Variants in FAM8A1 observed in about 807,000 individuals in gnomAD.
The protein encoded by FAM8A1 is protein FAM8A1.
Under a neutral mutation model 38.3 loss-of-function variants are expected in FAM8A1, and 18 were observed. That is an observed-to-expected ratio of 0.47 (90% CI 0.33 to 0.70). The LOEUF is 0.70. Among genes scored for constraint, FAM8A1 ranks in the 30% least tolerant of loss-of-function variants. The pLI is 0.03. For synonymous variants in FAM8A1, 246 were observed against 234.4 expected (o/e 1.05, Z -0.45); for missense variants, 559 against 559.6 (o/e 1.00, Z 0.01).
chr6:17,608,151 G>T, intron 4 of FAM8A1, 44 bp from the exon 5 acceptor site: 3 of 1,603,854 alleles, frequency 1.9e-6, no homozygotes, highest in Non-Finnish European at 2.6e-6. Flanking sequence ...TCTATATGTG[G>T]TTTGATGTGT....
chr6:17,602,278 C>T (rs562988854), intron 1 of FAM8A1, among the ~76,000 whole-genome samples: 16 of 152,380 alleles, frequency 1.1e-4, no homozygotes, highest in East Asian at 1.9e-4. Context: ...CTCAAGCAAT[C>T]TGCCCGCCTC....
rs1384767717 is a variant in FAM8A1 at position 17,600,405 on chromosome 6, C to T, written c.-5C>T. ...GGTATCCCAGAGGGTGCTGCTGAGG[C>T]GACGATGGCCGAGGGGCCCGAGGAA... On this transcript the variant is annotated 5_prime_UTR_variant, in exon 1 of 5. Coordinates refer to ENST00000259963, the MANE Select transcript of FAM8A1 (RefSeq NM_016255.3). 1 of 1,410,818 alleles carries T rather than the reference C, an allele frequency of 7.1e-7. No individual in the cohort carries two copies. 87.4% of individuals were successfully genotyped at this position (1,410,818 alleles called of 1,614,324 possible).
At position 17,600,591 on chromosome 6, in the gene FAM8A1, C is replaced by T. The variant is rs1298298105; in HGVS notation, c.182C>T (p.Ala61Val). 9 of 1,489,210 alleles carry T rather than the reference C, an allele frequency of 6.0e-6. No individual in the cohort carries two copies. In the East Asian group the frequency reaches 1.4e-4, roughly 24 times the overall value. 92.2% of individuals were successfully genotyped at this position (1,489,210 alleles called of 1,614,324 possible). A position where few individuals can be genotyped will look rare whatever the true frequency, so the allele number is the denominator to read the frequency against. ...CCCACAGCCCCGGGCCTCGCGGCTG[C>T]CGCCGCAGCCGACAAATTGGAGCCG... ...GRPTAPGLAA[A>V]AAADKLEPPR... The change falls in exon 1 of 5, where the codon GCC becomes GTC. Residue 61 changes from alanine (A) to valine (V), a missense_variant. Transcript: ENST00000259963.
rs1028041372 is a variant in FAM8A1 at position 17,600,944 on chromosome 6, AGCCCCGGG to A, written c.539_546del (p.Pro180ArgfsTer4). 3.1e-6 allele frequency: 5 copies of A among 1,592,326 alleles called. No individual in the cohort carries two copies. The highest frequency in any genetic ancestry group is 4.3e-6 in the Non-Finnish European group (5 of 1,171,884). ...CTATTACAACCCCTTCTACTTCCTG[AGCCCCGGG>A]GCCGCGGGGCCTGACCCGCGGACAG... On this transcript the variant is annotated frameshift_variant, in exon 1 of 5. Transcript: ENST00000259963. LOFTEE classifies it high-confidence loss of function.
rs1280791650 is a variant in FAM8A1 at position 17,611,065 on chromosome 6, C to G, written c.*2726C>G. The G allele has an allele frequency of 6.6e-6, 1 of 152,114 alleles. No homozygotes were observed. The highest frequency in any genetic ancestry group is 1.5e-5 in the Non-Finnish European group (1 of 68,012). 9.4% of individuals were successfully genotyped at this position (152,114 alleles called of 1,614,324 possible). A position where few individuals can be genotyped will look rare whatever the true frequency, so the allele number is the denominator to read the frequency against. On this transcript the variant is annotated 3_prime_UTR_variant, in exon 5 of 5. Coordinates refer to ENST00000259963, the MANE Select transcript of FAM8A1 (RefSeq NM_016255.3). Reference sequence around the variant, plus strand: ...CTTGTCAGTATCATAAAGAGTATTGCCCAACTGAACTTTGCTCCCACTGGT... The same window carrying G: ...CTTGTCAGTATCATAAAGAGTATTGGCCAACTGAACTTTGCTCCCACTGGT...
Position 17,609,401 on chromosome 6 carries a change from A to G in FAM8A1, c.*1062A>G, listed in dbSNP as rs920087861. 6.8e-6 allele frequency: 1 copy of G among 147,474 alleles called. No homozygotes were observed. Among genetic ancestry groups the G allele is most frequent in the Non-Finnish European group, 1.5e-5 (1 of 66,142 alleles). The allele number at this position is 147,474 out of a possible 1,614,324, so 9.1% of individuals were successfully genotyped here. Reference sequence around the variant, plus strand: ...GATTAACTCTAAGTACTATTAATTAATAGCTTGCGAAATATTAGCAATTTT... The same window carrying G: ...GATTAACTCTAAGTACTATTAATTAGTAGCTTGCGAAATATTAGCAATTTT... On this transcript the variant is annotated 3_prime_UTR_variant, in exon 5 of 5. Transcript: ENST00000259963.
intron 4 of FAM8A1, among the ~76,000 whole-genome samples, chr6:17,607,270 A>AC (rs1764066821): frequency 6.7e-6 from 1 of 148,866 alleles, no homozygotes; most frequent in African/African-American, 2.5e-5. Flanking sequence ...AAAAAAAAAA[A>AC]AAACAAAACA....
Position 17,610,647 on chromosome 6 carries a change from T to C in FAM8A1, c.*2308T>C, listed in dbSNP as rs1764128325. On this transcript the variant is annotated 3_prime_UTR_variant, in exon 5 of 5. Transcript: ENST00000259963. ...TCCTGCTTTCCAGAACACTTTATTATATTTCACTTATAGACCTGATTTTCT... is the reference window on the plus strand; with the variant it reads ...TCCTGCTTTCCAGAACACTTTATTACATTTCACTTATAGACCTGATTTTCT... The C allele has an allele frequency of 6.6e-6, 1 of 152,178 alleles. No individual in the cohort carries two copies. Among genetic ancestry groups the C allele is most frequent in the African/African-American group, 2.4e-5 (1 of 41,458 alleles). 9.4% of individuals were successfully genotyped at this position (152,178 alleles called of 1,614,324 possible).
At position 17,609,405 on chromosome 6, in the gene FAM8A1, C is replaced by T. The variant is rs1764105627; in HGVS notation, c.*1066C>T. The T allele has an allele frequency of 6.6e-6, 1 of 152,064 alleles. No individual in the cohort carries two copies. Among genetic ancestry groups the T allele is most frequent in the Non-Finnish European group, 1.5e-5 (1 of 68,014 alleles). 9.4% of individuals were successfully genotyped at this position (152,064 alleles called of 1,614,324 possible). On this transcript the variant is annotated 3_prime_UTR_variant, in exon 5 of 5. Coordinates refer to ENST00000259963, the MANE Select transcript of FAM8A1 (RefSeq NM_016255.3). ...AACTCTAAGTACTATTAATTAATAG[C>T]TTGCGAAATATTAGCAATTTTCCCA... is the stretch of plus-strand genomic sequence containing the variant.
At position 17,608,387 on chromosome 6, in the gene FAM8A1, C is replaced by G. The variant is rs760264519; in HGVS notation, c.*48C>G. 1.3e-6 allele frequency: 2 copies of G among 1,573,688 alleles called. No homozygotes were observed. Among genetic ancestry groups the G allele is most frequent in the East Asian group, 2.3e-5 (1 of 44,330 alleles). ...CACACACTAAGACTAAATTATGTAT[C>G]AAGGCCATCAGTATCCCTGGGTTAC... is the stretch of plus-strand genomic sequence containing the variant. On this transcript the variant is annotated 3_prime_UTR_variant, in exon 5 of 5. Coordinates refer to ENST00000259963, the MANE Select transcript of FAM8A1 (RefSeq NM_016255.3).
At chr6:17,603,046 C>T (rs148121944) in intron 2 of FAM8A1, among the ~76,000 whole-genome samples, 17 of 152,310 alleles carry the variant, frequency 1.1e-4, no homozygotes, top group African/African-American at 4.1e-4. Flanking sequence ...CTCTTGCTAT[C>T]TTGTGGAGTC....
chr6:17,605,787 A>C (rs1287778911), intron 3 of FAM8A1, 87 bp from the exon 4 acceptor site: 1 of 1,332,952 alleles, frequency 7.5e-7, no homozygotes, highest in Admixed American at 2.6e-5. Flanking sequence ...GAAAAATTTA[A>C]AACATGAAAT....
chr6:17,602,533 C>T, intron 1 of FAM8A1, 57 bp from the exon 2 acceptor site: 1 of 1,542,250 alleles, frequency 6.5e-7, no homozygotes, highest in Non-Finnish European at 8.7e-7. Context: ...GCTTGTGTTC[C>T]AAGGCTTATG....
Position 17,600,975 on chromosome 6 carries a change from C to T in FAM8A1, c.566C>T (p.Thr189Ile), listed in dbSNP as rs760590649. The change falls in exon 1 of 5, where the codon ACA becomes ATA. Residue 189 changes from threonine to isoleucine, a missense_variant. Physicochemically the swap from Thr to Ile is moderately conservative, Grantham distance 89. Around this residue, in one of 2 missense-constraint regions of FAM8A1, gnomAD observed 393 missense variants for 338.9 expected, o/e 1.16. Transcript: ENST00000259963. ...SPGAAGPDPRTAAGISTPAPV... is the reference protein window; with the variant it reads ...SPGAAGPDPRIAAGISTPAPV... Reference sequence around the variant, plus strand: ...GGGGCCGCGGGGCCTGACCCGCGGACAGCTGCCGGCATCAGCACCCCTGCT... The same window carrying T: ...GGGGCCGCGGGGCCTGACCCGCGGATAGCTGCCGGCATCAGCACCCCTGCT... 5.6e-6 allele frequency: 9 copies of T among 1,593,502 alleles called. No individual in the cohort carries two copies. The highest frequency in any genetic ancestry group is 7.7e-6 in the Non-Finnish European group (9 of 1,172,038).
chr6:17,601,107 C>G lies in FAM8A1; in HGVS notation c.698C>G (p.Thr233Ser). 1.3e-6 allele frequency: 2 copies of G among 1,594,096 alleles called. No individual in the cohort carries two copies. The highest frequency in any genetic ancestry group is 1.7e-6 in the Non-Finnish European group (2 of 1,173,012). The part of the protein sequence containing the change: ...SAAPSRSPSE[T>S]GRQAGREYVI... ...GCCCCTTCGCGAAGCCCGAGCGAGA[C>G]CGGGCGACAGGCAGGTGAGAAGCGC... is the stretch of plus-strand genomic sequence containing the variant. The change falls in exon 1 of 5, where the codon ACC becomes AGC. Residue 233 changes from threonine (T) to serine (S), a missense_variant. Thr to Ser is a moderately conservative substitution (Grantham distance 58). Around this residue, in one of 2 missense-constraint regions of FAM8A1, gnomAD observed 393 missense variants for 338.9 expected, o/e 1.16. Transcript: ENST00000259963.
rs879893403 is a variant in FAM8A1 at position 17,601,033 on chromosome 6, C to T, written c.624C>T (p.His208=). ...CGGGCCTGGGACCCCGGGCTCCTCACGTGCAGGCGTCGGTCCGGGCCACTC... is the reference window on the plus strand; with the variant it reads ...CGGGCCTGGGACCCCGGGCTCCTCATGTGCAGGCGTCGGTCCGGGCCACTC... ...PVAGLGPRAP[H]VQASVRATPV... The change falls in exon 1 of 5, where the codon CAC becomes CAT. Residue 208 remains histidine, a synonymous_variant. Transcript: ENST00000259963. The T allele has an allele frequency of 4.4e-6, 7 of 1,591,040 alleles. No homozygotes were observed. In the Admixed American group the frequency reaches 1.2e-4, roughly 28 times the overall value.
In FAM8A1 at chr6:17,600,694, G is replaced by C; in HGVS notation, c.285G>C (p.Ala95=). 6.3e-7 allele frequency: 1 copy of C among 1,583,390 alleles called. No individual in the cohort carries two copies. The highest frequency in any genetic ancestry group is 1.7e-4 in the Middle Eastern group (1 of 5,754). Reference sequence around the variant, plus strand: ...TGCAGGAGCAGGCGGGCTGCGAGGCGCCCGAAGCCGCGGCGCCACGAGAGA... The same window carrying C: ...TGCAGGAGCAGGCGGGCTGCGAGGCCCCCGAAGCCGCGGCGCCACGAGAGA... ...AELQEQAGCE[A]PEAAAPRERP... The change falls in exon 1 of 5, where the codon GCG becomes GCC. Residue 95 remains alanine, a synonymous_variant. Transcript: ENST00000259963.
At chr6:17,606,042 A>G (rs376066332) in intron 4 of FAM8A1, 29 bp downstream of exon 4, 4 of 1,471,788 alleles carry the variant, frequency 2.7e-6, no homozygotes, top group African/African-American at 2.8e-5. Context: ...TTAATCTACT[A>G]CATACTTAAT....
intron 2 of FAM8A1, 92 bp downstream of exon 2, chr6:17,602,802 G>GATA (rs1287702662): frequency 8.3e-7 from 1 of 1,201,996 alleles, no homozygotes; most frequent in Non-Finnish European, 1.1e-6. Flanking sequence ...TGACTATATG[G>GATA]ATAATGGGCT....
Sources: gnomAD v4.1 joint callset for allele counts (sites outside exome capture counted in the v4.1 genomes callset) on GRCh38, gnomAD v4.1.1 for gene constraint, gnomAD v4.1.1 regional missense constraint, MANE v1.5 for transcripts, NCBI Gene and HGNC (gene_info 2026-07-23, HGNC 2026-07-21) for gene names.